Variants in PCDHA10 observed in about 807,000 individuals in gnomAD.
PCDHA10 encodes protocadherin alpha 10, also known as protocadherin alpha-10.
A neutral mutation model predicts 61.2 loss-of-function variants in PCDHA10; 45 were observed. The observed-to-expected ratio is 0.74, with a 90% CI of 0.58 to 0.94. PCDHA10 has a LOEUF of 0.94. PCDHA10 is among the 40% of genes least tolerant of loss of function. The probability of loss-of-function intolerance (pLI) is 0.00; values close to 1 mark genes in which losing one functional copy is unlikely to be tolerated. For synonymous variants in PCDHA10, 602 were observed against 548.8 expected (o/e 1.10, Z -1.35); for missense variants, 1,278 against 1,236.2 (o/e 1.03, Z -0.51).
intron 1 of PCDHA10, among the ~76,000 whole-genome samples, chr5:140,923,218 TCG>T (rs1584297306): frequency 7.4e-6 from 1 of 135,282 alleles, no homozygotes; most frequent in Non-Finnish European, 1.7e-5. Flanking sequence ...GGTGAAAGGA[TCG>T]TTTGAGCCCA....
chr5:140,875,993 T>C lies in PCDHA10; in HGVS notation c.2388+17557T>C, dbSNP rs574636926. 5 of 1,613,988 alleles carry C rather than the reference T, an allele frequency of 3.1e-6. No homozygotes were observed. The Admixed American group carries it at 6.7e-5, about 22-fold the overall frequency. On this transcript the variant is annotated intron_variant, in intron 1 of 3. Transcript: ENST00000307360. The stretch of plus-strand genomic sequence containing the variant: ...TCTCTTTTGACCTATGCGTTAAGTC[T>C]AAATGAGAATTTTGAGCTTAAAATA...
At chr5:140,869,344 A>G (rs540952410) in intron 1 of PCDHA10, 1 of 1,613,990 alleles carries the variant, frequency 6.2e-7, no homozygotes, top group African/African-American at 1.3e-5. Flanking sequence ...AAATCTGCAG[A>G]ATGGCATTTT....
intron 1 of PCDHA10, among the ~76,000 whole-genome samples, chr5:140,938,203 C>T (rs1181415730): frequency 6.6e-6 from 1 of 152,146 alleles, no homozygotes; most frequent in Non-Finnish European, 1.5e-5. Flanking sequence ...ACGCCAGCCT[C>T]CCAAAGTGCT....
intron 1 of PCDHA10, among the ~76,000 whole-genome samples, chr5:140,964,843 T>C (rs1229980696): frequency 6.6e-6 from 1 of 152,162 alleles, no homozygotes; most frequent in African/African-American, 2.4e-5. Flanking sequence ...TCCTACTCTG[T>C]ACCCTTGAGG....
chr5:140,876,834 G>C (rs1481867678), intron 1 of PCDHA10: 2 of 1,614,042 alleles, frequency 1.2e-6, no homozygotes, highest in Non-Finnish European at 1.7e-6. Context: ...ATGCGCCTGC[G>C]TTCGCGCAGC....
At chr5:141,006,276 A>T (rs2098265134) in intron 3 of PCDHA10, among the ~76,000 whole-genome samples, 1 of 151,894 alleles carries the variant, frequency 6.6e-6, no homozygotes, top group Admixed American at 6.6e-5. Context: ...CAGTGGCACG[A>T]TCTCAGCTCA....
intron 3 of PCDHA10, among the ~76,000 whole-genome samples, chr5:141,000,387 CTCTCTCTCTATATATATATA>C (rs1348939997): frequency 1.5e-5 from 1 of 66,898 alleles, no homozygotes; most frequent in Non-Finnish European, 2.8e-5. Context: ...CTCTCTCTCT[CTCTCTCTCTATATATATATA>C]TATATATATA....
At chr5:140,938,887 A>ACG (rs2092246756) in intron 1 of PCDHA10, among the ~76,000 whole-genome samples, 1 of 152,094 alleles carries the variant, frequency 6.6e-6, no homozygotes, top group South Asian at 2.1e-4. Flanking sequence ...ACACACACAC[A>ACG]CACAGATGCG....
At position 140,883,968 on chromosome 5, in the gene PCDHA10, C is replaced by G. The variant is rs201548026; in HGVS notation, c.2388+25532C>G. 34 of 1,613,020 alleles carry G rather than the reference C, an allele frequency of 2.1e-5. No homozygotes were observed. The East Asian group carries it at 7.4e-4, about 35-fold the overall frequency. ...AACGACAACGCTCCGGCGCTGCTGACGCCCGGGGCTGGCAGCGCGGGAGGC... is the reference window on the plus strand; with the variant it reads ...AACGACAACGCTCCGGCGCTGCTGAGGCCCGGGGCTGGCAGCGCGGGAGGC... On this transcript the variant is annotated intron_variant, in intron 1 of 3. Coordinates refer to ENST00000307360, the MANE Select transcript of PCDHA10 (RefSeq NM_018901.4).
chr5:140,878,600 A>G (rs2153362487), intron 1 of PCDHA10, among the ~76,000 whole-genome samples: 1 of 152,320 alleles, frequency 6.6e-6, no homozygotes, highest in East Asian at 1.9e-4. Context: ...TACCAAGTGA[A>G]TCTTCTAATG....
chr5:140,857,990 G>C lies in PCDHA10; in HGVS notation c.1942G>C (p.Val648Leu), dbSNP rs570220982. ...ETDSPRQRLL[V>L]LVKDHGEPSL... ...TGACTCGCCACGCCAGCGCCTACTG[G>C]TGCTGGTGAAGGACCATGGCGAGCC... Residue 648 changes from valine (V) to leucine (L), a missense_variant, in exon 1 of 4, where the codon GTG becomes CTG. By Grantham distance (32) the Val-to-Leu change is conservative (BLOSUM62 1). Transcript: ENST00000307360. 3.7e-5 allele frequency: 59 copies of C among 1,597,202 alleles called. 9 individuals are homozygous for C. In the South Asian group the frequency reaches 5.7e-4, roughly 16 times the overall value.
chr5:140,932,021 GT>G (rs1387709791), intron 1 of PCDHA10, among the ~76,000 whole-genome samples: 11 of 151,964 alleles, frequency 7.2e-5, no homozygotes, highest in African/African-American at 2.6e-4. Flanking sequence ...TTTACGGTAA[GT>G]TTACAGTATA....
rs150390468 is a variant in PCDHA10 at position 140,876,777 on chromosome 5, G to A, written c.2388+18341G>A. The A allele has an allele frequency of 2.3e-3, 3,781 of 1,614,244 alleles. 8 individuals carry two copies. Among genetic ancestry groups the A allele is most frequent in the Non-Finnish European group, 3.0e-3 (3,507 of 1,180,036 alleles). On this transcript the variant is annotated intron_variant, in intron 1 of 3. Coordinates refer to ENST00000307360, the MANE Select transcript of PCDHA10 (RefSeq NM_018901.4). ...CGCGGGATGGGGGCTCGCCTTCGCT[G>A]TGGGCCACGGCTAGAGTGTCCGTGG...
intron 1 of PCDHA10, among the ~76,000 whole-genome samples, chr5:140,878,476 A>T (rs1037108551): frequency 3.2e-4 from 49 of 152,322 alleles, no homozygotes; most frequent in African/African-American, 1.1e-3. Flanking sequence ...TCATTTCTCA[A>T]TTTAAAAATA....
At chr5:140,982,436 T>G (rs782353079) in intron 2 of PCDHA10, 39 bp from the exon 3 acceptor site, 18 of 1,613,262 alleles carry the variant, frequency 1.1e-5, no homozygotes, top group Non-Finnish European at 1.5e-5. Context: ...GGAAAGAATT[T>G]ATGATCTAAC....
intron 1 of PCDHA10, chr5:140,876,621 A>G: frequency 6.2e-7 from 1 of 1,614,120 alleles, no homozygotes; most frequent in Non-Finnish European, 8.5e-7. Context: ...GAGCCAATGG[A>G]CAGGTCATCT....
intron 3 of PCDHA10, among the ~76,000 whole-genome samples, chr5:140,996,991 T>C (rs191353108): frequency 1.6e-4 from 25 of 152,346 alleles, no homozygotes; most frequent in African/African-American, 5.3e-4. Flanking sequence ...GCAACCACTG[T>C]TAACAATTTT....
At chr5:140,875,616 C>A (rs2055654644) in intron 1 of PCDHA10, 2 of 1,613,748 alleles carry the variant, frequency 1.2e-6, no homozygotes, top group Admixed American at 1.7e-5. Context: ...TGGGCCGCAT[C>A]GCTCAGGACC....
At chr5:141,008,428 T>C (rs2098376052) in intron 3 of PCDHA10, among the ~76,000 whole-genome samples, 1 of 152,182 alleles carries the variant, frequency 6.6e-6, no homozygotes, top group Admixed American at 6.5e-5. Flanking sequence ...TGGGATCACT[T>C]TGCCCAGACA....
Sources: allele counts gnomAD v4.1 joint callset (sites outside exome capture counted in the v4.1 genomes callset), GRCh38; gene constraint gnomAD v4.1.1; transcripts MANE v1.5; gene names NCBI Gene and HGNC (gene_info 2026-07-23, HGNC 2026-07-21).